Variants in PPP1R9A observed in about 807,000 individuals in gnomAD.
The protein encoded by PPP1R9A is protein phosphatase 1 regulatory subunit 9A, also known as neurabin-1.
PPP1R9A carries 59 observed loss-of-function variants against 141.9 expected under a neutral mutation model. That is an observed-to-expected ratio of 0.42 (90% CI 0.34 to 0.52). The LOEUF (loss-of-function observed/expected upper bound fraction) is 0.52, where lower values mean the gene tolerates loss of function less well. PPP1R9A is among the 20% of genes least tolerant of loss of function. The pLI is 0.10. For synonymous variants in PPP1R9A, 500 were observed against 569.7 expected (o/e 0.88, Z 1.74); for missense variants, 1,444 against 1,611.9 (o/e 0.90, Z 1.78).
chr7:94,954,371 T>G (rs1796834370), intron 2 of PPP1R9A, among the ~76,000 whole-genome samples: 1 of 152,018 alleles, frequency 6.6e-6, no homozygotes, highest in African/African-American at 2.4e-5. Flanking sequence ...ATATATAAGT[T>G]TAGACTTATG....
chr7:95,176,954 A>G (rs2152772595), intron 5 of PPP1R9A, among the ~76,000 whole-genome samples: 1 of 152,290 alleles, frequency 6.6e-6, no homozygotes, highest in Non-Finnish European at 1.5e-5. Flanking sequence ...TGGGGAAATA[A>G]TTGAGGAAAA....
intron 2 of PPP1R9A, among the ~76,000 whole-genome samples, chr7:95,014,373 A>T (rs1804818902): frequency 1.3e-5 from 2 of 152,042 alleles, no homozygotes; most frequent in African/African-American, 4.8e-5. Context: ...AAATATTCAT[A>T]AGCTTGGGTT....
chr7:95,250,404 A>G, intron 10 of PPP1R9A, 149 bp downstream of exon 10: 2 of 684,752 alleles, frequency 2.9e-6, no homozygotes, highest in Non-Finnish European at 4.6e-6. Flanking sequence ...AATACACATT[A>G]AGTTTTGGAA....
At chr7:95,151,619 T>C (rs1828688025) in intron 4 of PPP1R9A, among the ~76,000 whole-genome samples, 1 of 151,950 alleles carries the variant, frequency 6.6e-6, no homozygotes, top group Admixed American at 6.6e-5. Context: ...ATGTCAGCTG[T>C]GGGCTTTGAA....
chr7:95,215,402 T>C (rs1156945572), intron 7 of PPP1R9A, among the ~76,000 whole-genome samples: 1 of 152,176 alleles, frequency 6.6e-6, no homozygotes, highest in Non-Finnish European at 1.5e-5. Context: ...TCCAAGTCCT[T>C]GCTATTGTGA....
At chr7:95,278,761 A>G (rs1167578939) in intron 16 of PPP1R9A, among the ~76,000 whole-genome samples, 1 of 152,216 alleles carries the variant, frequency 6.6e-6, no homozygotes, top group East Asian at 1.9e-4. Flanking sequence ...TAACATCTTC[A>G]TAGTAAGTAT....
At chr7:95,152,288 C>T (rs1828841707) in intron 4 of PPP1R9A, among the ~76,000 whole-genome samples, 1 of 152,142 alleles carries the variant, frequency 6.6e-6, no homozygotes, top group South Asian at 2.1e-4. Flanking sequence ...CTCTTAAAAT[C>T]CCTTAATAAG....
chr7:95,161,912 G>C lies in PPP1R9A; in HGVS notation c.1695G>C (p.Leu565Phe), dbSNP rs373223368. The change falls in exon 5 of 20, where the codon TTG becomes TTC. Residue 565 changes from leucine to phenylalanine, a missense_variant. Coordinates refer to ENST00000433360, the MANE Select transcript of PPP1R9A (RefSeq NM_001166160.2). The stretch of plus-strand genomic sequence containing the variant: ...TTGTGGAAGTGGATGGAATCAGCTT[G>C]GTGGGTGTGACACAGAATTTTGCAG... ...DQIVEVDGIS[L>F]VGVTQNFAAT... is the part of the protein sequence containing the mutation. The C allele has an allele frequency of 1.9e-6, 3 of 1,611,138 alleles. No homozygotes were observed. Among genetic ancestry groups the C allele is most frequent in the Admixed American group, 1.7e-5 (1 of 59,706 alleles).
chr7:94,934,775 T>C (rs1452824854), intron 2 of PPP1R9A, among the ~76,000 whole-genome samples: 1 of 127,876 alleles, frequency 7.8e-6, no homozygotes, highest in East Asian at 2.3e-4. Context: ...ATATATTTGA[T>C]GTTAAAAGCT....
intron 2 of PPP1R9A, among the ~76,000 whole-genome samples, chr7:94,942,113 A>G (rs994759437): frequency 2.0e-5 from 3 of 152,134 alleles, no homozygotes; most frequent in African/African-American, 4.8e-5. Context: ...TAATGATTAA[A>G]TATCTAAATA....
intron 2 of PPP1R9A, among the ~76,000 whole-genome samples, chr7:94,987,956 A>G (rs1332586634): frequency 6.6e-6 from 1 of 152,112 alleles, no homozygotes; most frequent in African/African-American, 2.4e-5. Flanking sequence ...TTAATATTCT[A>G]ACTTAAAGGT....
At chr7:94,913,804 C>G (rs1791740513) in intron 2 of PPP1R9A, among the ~76,000 whole-genome samples, 1 of 152,078 alleles carries the variant, frequency 6.6e-6, no homozygotes, top group African/African-American at 2.4e-5. Context: ...TTCTCTCATG[C>G]TGTTAGCTGA....
chr7:95,268,583 T>G lies in PPP1R9A; in HGVS notation c.2699T>G (p.Leu900Arg). 6.2e-7 allele frequency: 1 copy of G among 1,613,382 alleles called. No homozygotes were observed. The highest frequency in any genetic ancestry group is 1.3e-5 in the African/African-American group (1 of 75,004). The change falls in exon 13 of 20, where the codon CTG (leucine) becomes CGG (arginine). Residue 900 changes from leucine (L) to arginine (R), a missense_variant. Transcript: ENST00000433360. Reference sequence around the variant, plus strand: ...GAAGCAGTCCCAGAGACAGAGCGCCTGGATTCAAAAGCACTGAAAACTCGA... The same window carrying G: ...GAAGCAGTCCCAGAGACAGAGCGCCGGGATTCAAAAGCACTGAAAACTCGA... ...LNEAVPETER[L>R]DSKALKTRAQ... is the part of the protein sequence containing the mutation.
intron 2 of PPP1R9A, among the ~76,000 whole-genome samples, chr7:94,913,769 A>G (rs1253380614): frequency 1.3e-5 from 2 of 152,176 alleles, no homozygotes; most frequent in African/African-American, 4.8e-5. Context: ...CAATTAAAGT[A>G]TTTATTGAAG....
At chr7:94,933,120 G>A (rs774010233) in intron 2 of PPP1R9A, among the ~76,000 whole-genome samples, 1 of 151,854 alleles carries the variant, frequency 6.6e-6, no homozygotes, top group Non-Finnish European at 1.5e-5. Flanking sequence ...CTATCATCAT[G>A]TAGGAAGATT....
intron 4 of PPP1R9A, among the ~76,000 whole-genome samples, chr7:95,151,711 G>C (rs1828706189): frequency 6.6e-6 from 1 of 151,190 alleles, no homozygotes; most frequent in South Asian, 2.1e-4. Flanking sequence ...ATGGGTTGAT[G>C]GGGGGAGACT....
intron 2 of PPP1R9A, among the ~76,000 whole-genome samples, chr7:95,030,275 ATAAG>A (rs1402522634): frequency 6.6e-6 from 1 of 152,214 alleles, no homozygotes; most frequent in Non-Finnish European, 1.5e-5. Context: ...AAGATTTTTA[ATAAG>A]TAAACAAGTG....
At chr7:95,190,974 G>C (rs1291332504) in intron 5 of PPP1R9A, among the ~76,000 whole-genome samples, 1 of 152,076 alleles carries the variant, frequency 6.6e-6, no homozygotes, top group Non-Finnish European at 1.5e-5. Context: ...TTTTTGACTA[G>C]TATATAAATT....
intron 3 of PPP1R9A, among the ~76,000 whole-genome samples, chr7:95,112,384 C>G (rs1820721303): frequency 6.6e-6 from 1 of 152,042 alleles, no homozygotes; most frequent in African/African-American, 2.4e-5. Flanking sequence ...CCAGTCAGAA[C>G]AGCTATTATT....
Sources: allele counts gnomAD v4.1 joint callset (sites outside exome capture counted in the v4.1 genomes callset), GRCh38; gene constraint gnomAD v4.1.1; transcripts MANE v1.5; gene names NCBI Gene and HGNC (gene_info 2026-07-23, HGNC 2026-07-21).